The following SPOCK1 variants were observed in gnomAD, a reference collection of about 807,000 sequenced individuals.
The protein encoded by SPOCK1 is testican-1.
Under a neutral mutation model 55.3 loss-of-function variants are expected in SPOCK1, and 23 were observed. That is an observed-to-expected ratio of 0.42 (90% CI 0.30 to 0.59). The LOEUF is 0.59. Among genes scored for constraint, SPOCK1 ranks in the 20% least tolerant of loss-of-function variants. The probability of loss-of-function intolerance (pLI) is 0.22; values close to 1 mark genes in which losing one functional copy is unlikely to be tolerated. For synonymous variants in SPOCK1, 226 were observed against 221.0 expected (o/e 1.02, Z -0.20); for missense variants, 499 against 552.5 (o/e 0.90, Z 0.97).
chr5:137,252,164 GA>G (rs1756544997), intron 3 of SPOCK1, among the ~76,000 whole-genome samples: 1 of 152,182 alleles, frequency 6.6e-6, no homozygotes. Context: ...GACTTCAGGT[GA>G]TCCACCCGCC....
At chr5:137,042,429 G>A (rs1752017450) in intron 6 of SPOCK1, among the ~76,000 whole-genome samples, 1 of 152,174 alleles carries the variant, frequency 6.6e-6, no homozygotes, top group Non-Finnish European at 1.5e-5. Context: ...GAACTTTACA[G>A]CGTAGAGTGA....
intron 2 of SPOCK1, among the ~76,000 whole-genome samples, chr5:137,275,406 A>G (rs1757046708): frequency 6.6e-6 from 1 of 152,056 alleles, no homozygotes; most frequent in Non-Finnish European, 1.5e-5. Context: ...CTCACCAAAC[A>G]CAGGGATTGG....
intron 5 of SPOCK1, among the ~76,000 whole-genome samples, chr5:137,110,341 T>C (rs1753444192): frequency 1.3e-5 from 2 of 152,344 alleles, no homozygotes; most frequent in East Asian, 1.9e-4. Context: ...AGCAGCTTGG[T>C]CATCACCTGG....
At chr5:137,004,630 A>G (rs1395285283) in intron 6 of SPOCK1, among the ~76,000 whole-genome samples, 2 of 152,186 alleles carry the variant, frequency 1.3e-5, no homozygotes, top group Admixed American at 1.3e-4. Flanking sequence ...CTAACAACAC[A>G]GCATGACATA....
chr5:137,093,756 T>C (rs1192438884), intron 5 of SPOCK1, among the ~76,000 whole-genome samples: 2 of 152,112 alleles, frequency 1.3e-5, no homozygotes, highest in Non-Finnish European at 2.9e-5. Flanking sequence ...AACGCTGATA[T>C]GAAACGAGCT....
At chr5:137,420,928 G>A (rs370178311) in intron 2 of SPOCK1, among the ~76,000 whole-genome samples, 1 of 152,130 alleles carries the variant, frequency 6.6e-6, no homozygotes, top group African/African-American at 2.4e-5. Context: ...TCTCTTGTGG[G>A]CATTTAGTGC....
intron 2 of SPOCK1, among the ~76,000 whole-genome samples, chr5:137,343,149 C>T (rs1750475095): frequency 2.0e-5 from 3 of 152,240 alleles, no homozygotes. Context: ...CAGAGTAAGC[C>T]ACAGGGGCCT....
intron 3 of SPOCK1, among the ~76,000 whole-genome samples, chr5:137,142,221 CA>C (rs1754112826): frequency 6.6e-6 from 1 of 152,138 alleles, no homozygotes; most frequent in South Asian, 2.1e-4. Context: ...AAAACCAAAC[CA>C]AAACAAACAC....
At chr5:136,993,661 A>C (rs1750990279) in intron 6 of SPOCK1, among the ~76,000 whole-genome samples, 1 of 152,250 alleles carries the variant, frequency 6.6e-6, no homozygotes, top group Admixed American at 6.5e-5. Context: ...GGAGTTAAGC[A>C]GAAATGCTGT....
At chr5:137,359,059 G>A (rs1434420517) in intron 2 of SPOCK1, among the ~76,000 whole-genome samples, 1 of 152,154 alleles carries the variant, frequency 6.6e-6, no homozygotes, top group African/African-American at 2.4e-5. Flanking sequence ...TAAATAAATC[G>A]AGCCCACTGG....
chr5:137,090,202 T>C (rs765912549), intron 5 of SPOCK1, among the ~76,000 whole-genome samples: 7 of 152,260 alleles, frequency 4.6e-5, no homozygotes, highest in Non-Finnish European at 8.8e-5. Flanking sequence ...GGGTTGAGCC[T>C]GCCTCAGGAA....
chr5:137,246,572 C>G (rs1176515824), intron 3 of SPOCK1, among the ~76,000 whole-genome samples: 1 of 152,212 alleles, frequency 6.6e-6, no homozygotes, highest in Non-Finnish European at 1.5e-5. Flanking sequence ...CCACATTTCA[C>G]TGCTTCTCAT....
chr5:137,294,778 C>T (rs561805592), intron 2 of SPOCK1, among the ~76,000 whole-genome samples: 5 of 152,340 alleles, frequency 3.3e-5, no homozygotes, highest in South Asian at 2.1e-4. Flanking sequence ...GCTGCAGCAA[C>T]GTTTCAGGCA....
intron 3 of SPOCK1, among the ~76,000 whole-genome samples, chr5:137,153,418 A>G (rs1754355435): frequency 1.3e-5 from 2 of 152,220 alleles, no homozygotes; most frequent in Non-Finnish European, 2.9e-5. Flanking sequence ...CAATTTGTCA[A>G]TTCAACAAAC....
intron 2 of SPOCK1, among the ~76,000 whole-genome samples, chr5:137,388,808 T>C (rs963481306): frequency 9.2e-5 from 14 of 152,164 alleles, no homozygotes; most frequent in African/African-American, 3.4e-4. Context: ...CAGTCAAAAT[T>C]AATTTTAGAC....
At chr5:137,302,507 G>A (rs1046332412) in intron 2 of SPOCK1, among the ~76,000 whole-genome samples, 8 of 151,878 alleles carry the variant, frequency 5.3e-5, no homozygotes, top group African/African-American at 1.7e-4. Context: ...AACCTGGGAG[G>A]CAGAGCTTGC....
At chr5:137,007,365 T>C (rs181477845) in intron 6 of SPOCK1, among the ~76,000 whole-genome samples, 123 of 151,954 alleles carry the variant, frequency 8.1e-4, no homozygotes, top group African/African-American at 2.7e-3. Flanking sequence ...ACAGGAAATC[T>C]ACAGAATGGG....
chr5:137,296,783 G>A (rs1190735472), intron 2 of SPOCK1, among the ~76,000 whole-genome samples: 1 of 152,168 alleles, frequency 6.6e-6, no homozygotes, highest in Non-Finnish European at 1.5e-5. Context: ...TCTTGACACA[G>A]GCTCACACAG....
intron 6 of SPOCK1, among the ~76,000 whole-genome samples, chr5:136,993,474 G>A (rs1750987137): frequency 6.6e-6 from 1 of 152,170 alleles, no homozygotes; most frequent in Non-Finnish European, 1.5e-5. Flanking sequence ...GGTCCAAGCA[G>A]TAGGCTGCTA....
Sources: allele counts gnomAD v4.1 joint callset (sites outside exome capture counted in the v4.1 genomes callset), GRCh38; gene constraint gnomAD v4.1.1; transcripts MANE v1.5; gene names NCBI Gene and HGNC (gene_info 2026-07-23, HGNC 2026-07-21).